The following LRP1B variants were observed in gnomAD, a reference collection of about 807,000 sequenced individuals.
LRP1B encodes the protein LDL receptor related protein 1B.
Under a neutral mutation model 556.6 loss-of-function variants are expected in LRP1B, and 217 were observed. The observed-to-expected ratio is 0.39, with a 90% CI of 0.35 to 0.44. The LOEUF (loss-of-function observed/expected upper bound fraction) is 0.44, where lower values mean the gene tolerates loss of function less well. Among genes scored for constraint, LRP1B ranks in the 20% least tolerant of loss-of-function variants. The pLI is 1.00. For missense variants in LRP1B, 5,053 were observed against 5,620.8 expected, an observed-to-expected ratio of 0.90 and a Z score of 3.23; for synonymous variants, 2,047 against 1,865.8, an observed-to-expected ratio of 1.10 and a Z score of -2.50.
intron 2 of LRP1B, among the ~76,000 whole-genome samples, chr2:141,747,883 C>T (rs1019852442): frequency 6.6e-6 from 1 of 152,084 alleles, no homozygotes; most frequent in Non-Finnish European, 1.5e-5. Context: ...GATTGTGAAG[C>T]AGTTAGTCCT....
chr2:140,866,499 G>C (rs1402554593), intron 27 of LRP1B, among the ~76,000 whole-genome samples: 1 of 152,028 alleles, frequency 6.6e-6, no homozygotes, highest in African/African-American at 2.4e-5. Context: ...TAAAGTTATT[G>C]CTCACCTATG....
chr2:141,796,236 C>A (rs1359689421), intron 2 of LRP1B, among the ~76,000 whole-genome samples: 1 of 151,916 alleles, frequency 6.6e-6, no homozygotes, highest in Non-Finnish European at 1.5e-5. Context: ...TTAAAGATTA[C>A]TAGAAAAATA....
chr2:141,855,653 T>C (rs1411070602), intron 1 of LRP1B, among the ~76,000 whole-genome samples: 1 of 152,110 alleles, frequency 6.6e-6, no homozygotes, highest in East Asian at 1.9e-4. Context: ...TGGTAGAGAC[T>C]GTTAGAGGTT....
At chr2:140,908,473 G>A (rs762873017) in intron 21 of LRP1B, among the ~76,000 whole-genome samples, 1 of 150,722 alleles carries the variant, frequency 6.6e-6, no homozygotes, top group Non-Finnish European at 1.5e-5. Context: ...TTGTATATTA[G>A]TGCCTTTTAG....
Position 141,554,635 on chromosome 2 carries a change from G to A in LRP1B, c.206-74102C>T, listed in dbSNP as rs980990038. Among the ~76,000 whole-genome samples, 4 of 151,740 alleles carry A rather than the reference G, an allele frequency of 2.6e-5. No homozygotes were observed. The South Asian group carries it at 8.3e-4, about 31-fold the overall frequency. On this transcript the variant is annotated intron_variant, in intron 2 of 90. Coordinates refer to ENST00000389484, the MANE Select transcript of LRP1B (RefSeq NM_018557.3). ...GAAATCTCAAAATACCTTACTTATG[G>A]ATTTTACATTTTTTAATGATATGTT...
chr2:141,905,155 CAG>C, intron 1 of LRP1B, among the ~76,000 whole-genome samples: 1 of 151,866 alleles, frequency 6.6e-6, no homozygotes, highest in South Asian at 2.1e-4. Context: ...AAAAACTCCG[CAG>C]AGTTAGGAAT....
chr2:140,427,348 G>C (rs963170106), intron 66 of LRP1B, among the ~76,000 whole-genome samples: 2 of 151,930 alleles, frequency 1.3e-5, no homozygotes, highest in Admixed American at 1.3e-4. Context: ...CCCCTTCTCC[G>C]TGTCTTTACC....
chr2:141,795,738 T>G (rs1469752627), intron 2 of LRP1B, among the ~76,000 whole-genome samples: 2 of 151,378 alleles, frequency 1.3e-5, no homozygotes, highest in African/African-American at 4.8e-5. Context: ...ACTAGTATTT[T>G]ATTTTTATTT....
chr2:141,759,520 A>C lies in LRP1B; in HGVS notation c.205+50759T>G, dbSNP rs149526886. On this transcript the variant is annotated intron_variant, in intron 2 of 90. Transcript: ENST00000389484. Reference sequence around the variant, plus strand: ...TGATTAAGCATATTAGAAAGTGGAAATATTCAAAGATATAATAGAAGAATA... The same window carrying C: ...TGATTAAGCATATTAGAAAGTGGAACTATTCAAAGATATAATAGAAGAATA... 2.8e-3 allele frequency among the ~76,000 whole-genome samples: 426 copies of C among 152,312 alleles called. 1 individual carries two copies. The highest frequency in any genetic ancestry group is 9.7e-3 in the African/African-American group (403 of 41,566).
At chr2:141,788,415 A>G (rs1217286806) in intron 2 of LRP1B, among the ~76,000 whole-genome samples, 2 of 152,042 alleles carry the variant, frequency 1.3e-5, no homozygotes, top group African/African-American at 4.8e-5. Flanking sequence ...CCATATATGA[A>G]CAATTCTATG....
intron 1 of LRP1B, among the ~76,000 whole-genome samples, chr2:142,037,519 A>C (rs577119804): frequency 6.6e-5 from 10 of 151,606 alleles, no homozygotes; most frequent in South Asian, 2.1e-4. Flanking sequence ...GAGTAAAAGA[A>C]ACATAATACT....
intron 43 of LRP1B, among the ~76,000 whole-genome samples, chr2:140,586,089 TTA>T (rs1375578763): frequency 9.2e-5 from 14 of 152,176 alleles, no homozygotes; most frequent in Non-Finnish European, 1.5e-4. Flanking sequence ...GCACACTAAC[TTA>T]TGCTCCTAGA....
chr2:140,515,975 A>G (rs1239103961), intron 50 of LRP1B, among the ~76,000 whole-genome samples: 5 of 152,056 alleles, frequency 3.3e-5, no homozygotes, highest in Non-Finnish European at 7.4e-5. Context: ...CCTATTGGAA[A>G]TTTCTTTGAT....
At position 140,335,713 on chromosome 2, in the gene LRP1B, G is replaced by A. The variant is rs780510994; in HGVS notation, c.12018C>T (p.Tyr4006=). 17 of 1,612,068 alleles carry A rather than the reference G, an allele frequency of 1.1e-5. No homozygotes were observed. Among genetic ancestry groups the A allele is most frequent in the Non-Finnish European group, 1.4e-5 (16 of 1,178,486 alleles). Reference sequence around the variant, plus strand: ...CATTCAGCTGCCCTACGTTGATAGAGTACCTCAGACTGGTCCAGTGAGTAG... The same window carrying A: ...CATTCAGCTGCCCTACGTTGATAGAATACCTCAGACTGGTCCAGTGAGTAG... ...YYTTHWTSLR[Y]SINVGQLNGP... The change falls in exon 78 of 91, where the codon TAC becomes TAT. Residue 4006 remains tyrosine, a synonymous_variant. Transcript: ENST00000389484.
At chr2:141,838,391 C>G (rs1422036000) in intron 1 of LRP1B, among the ~76,000 whole-genome samples, 1 of 152,118 alleles carries the variant, frequency 6.6e-6, no homozygotes, top group Non-Finnish European at 1.5e-5. Flanking sequence ...TCAAACTCTT[C>G]CTGTACTAAC....
At chr2:141,844,238 C>T (rs1229853336) in intron 1 of LRP1B, among the ~76,000 whole-genome samples, 1 of 152,018 alleles carries the variant, frequency 6.6e-6, no homozygotes, top group Non-Finnish European at 1.5e-5. Flanking sequence ...TTAAATTTTG[C>T]TTTTTCAGGG....
At chr2:141,174,718 C>G (rs1680659876) in intron 7 of LRP1B, among the ~76,000 whole-genome samples, 1 of 151,988 alleles carries the variant, frequency 6.6e-6, no homozygotes, top group Non-Finnish European at 1.5e-5. Flanking sequence ...GATATTGGTA[C>G]AGGGGCACTG....
chr2:141,520,272 T>A (rs935722754), intron 2 of LRP1B, among the ~76,000 whole-genome samples: 5 of 152,154 alleles, frequency 3.3e-5, no homozygotes, highest in Non-Finnish European at 7.3e-5. Context: ...TGCAAGGTGC[T>A]GCATCATGAA....
chr2:141,039,840 A>G (rs1007583731), intron 11 of LRP1B, among the ~76,000 whole-genome samples: 8 of 152,086 alleles, frequency 5.3e-5, no homozygotes, highest in Admixed American at 5.3e-4. Flanking sequence ...AGACAAAAAT[A>G]CATATATTGG....
Sources: allele counts gnomAD v4.1 joint callset (sites outside exome capture counted in the v4.1 genomes callset), GRCh38; gene constraint gnomAD v4.1.1; transcripts MANE v1.5; gene names NCBI Gene and HGNC (gene_info 2026-07-23, HGNC 2026-07-21).